Variants in RAB38 observed in about 807,000 individuals in gnomAD.
RAB38 encodes RAB38, member RAS oncogene family, also known as ras-related protein Rab-38.
RAB38 carries 15 observed loss-of-function variants against 18.4 expected under a neutral mutation model. The observed-to-expected ratio is 0.82, with a 90% CI of 0.55 to 1.26. The LOEUF is 1.26. Ranked by LOEUF, RAB38 falls within the 50% of genes most tolerant of loss-of-function variation. The pLI, the probability that RAB38 is intolerant of heterozygous loss-of-function variation, is 0.00. For missense variants in RAB38, 294 were observed against 267.4 expected, an observed-to-expected ratio of 1.10 and a Z score of -0.69; for synonymous variants, 101 against 104.4, an observed-to-expected ratio of 0.97 and a Z score of 0.20.
chr11:87,903,656 G>C, the RAB38 span, among the ~76,000 whole-genome samples: 17 of 150,426 alleles, frequency 1.1e-4, no homozygotes, highest in African/African-American at 4.1e-4. Flanking sequence ...TTAATTGTTT[G>C]TTAGCATTCT....
the RAB38 span, among the ~76,000 whole-genome samples, chr11:88,084,550 G>A: frequency 5.9e-5 from 9 of 151,840 alleles, no homozygotes; most frequent in Non-Finnish European, 8.8e-5. Context: ...TCACTTTGTC[G>A]AAAAGATCTC....
chr11:87,898,510 C>T, the RAB38 span, among the ~76,000 whole-genome samples: 2 of 151,692 alleles, frequency 1.3e-5, no homozygotes, highest in Admixed American at 1.3e-4. Context: ...GTGGATTCCA[C>T]AACAGCAGGA....
chr11:87,970,536 G>A, the RAB38 span, among the ~76,000 whole-genome samples: 45 of 152,066 alleles, frequency 3.0e-4, no homozygotes, highest in Non-Finnish European at 5.4e-4. Context: ...CCCTAGGCAT[G>A]GGGTGCACAT....
the RAB38 span, among the ~76,000 whole-genome samples, chr11:87,943,299 ATTG>A: frequency 2.0e-5 from 3 of 152,070 alleles, no homozygotes; most frequent in African/African-American, 7.2e-5. Context: ...AATTATTTTT[ATTG>A]TTATTATAAC....
At chr11:87,831,999 CTG>C in the RAB38 span, among the ~76,000 whole-genome samples, 2 of 152,148 alleles carry the variant, frequency 1.3e-5, no homozygotes, top group Admixed American at 1.3e-4. Flanking sequence ...ATTAAATATG[CTG>C]TGTTAATGTT....
chr11:87,970,469 T>G, the RAB38 span, among the ~76,000 whole-genome samples: 182 of 152,196 alleles, frequency 1.2e-3, no homozygotes, highest in Non-Finnish European at 1.6e-3. Context: ...TCTGGGTTTA[T>G]TTGTTCTCTC....
At chr11:87,830,164 G>T in the RAB38 span, among the ~76,000 whole-genome samples, 11 of 152,164 alleles carry the variant, frequency 7.2e-5, no homozygotes, top group East Asian at 1.2e-3. Context: ...ATTGTGGAAG[G>T]TGCAGGATGG....
intron 2 of RAB38, among the ~76,000 whole-genome samples, chr11:88,121,957 A>G (rs1357412890): frequency 6.6e-6 from 1 of 152,200 alleles, no homozygotes; most frequent in Non-Finnish European, 1.5e-5. Context: ...TTCTTTCTAA[A>G]TCGCAAAAGT....
chr11:88,030,468 TGATA>T, the RAB38 span, among the ~76,000 whole-genome samples: 41 of 151,846 alleles, frequency 2.7e-4, no homozygotes, highest in Non-Finnish European at 5.2e-4. Context: ...TCAACAAAAT[TGATA>T]GACTGCTAGC....
At chr11:88,099,323 C>A in the RAB38 span, among the ~76,000 whole-genome samples, 8 of 150,760 alleles carry the variant, frequency 5.3e-5, no homozygotes, top group African/African-American at 2.0e-4. Flanking sequence ...CTTTTATGCC[C>A]TAGAGCTCAA....
chr11:88,138,883 C>T (rs868227755), intron 2 of RAB38, among the ~76,000 whole-genome samples: 3 of 151,686 alleles, frequency 2.0e-5, no homozygotes, highest in African/African-American at 4.9e-5. Context: ...CCTGGGTTAA[C>T]GCCATTCTCC....
At chr11:87,846,185 C>T in the RAB38 span, among the ~76,000 whole-genome samples, 1 of 151,850 alleles carries the variant, frequency 6.6e-6, no homozygotes, top group Non-Finnish European at 1.5e-5. Context: ...GGAGGATATG[C>T]AAACAAAAAC....
the RAB38 span, among the ~76,000 whole-genome samples, chr11:88,091,713 C>A: frequency 6.6e-6 from 1 of 151,968 alleles, no homozygotes; most frequent in Non-Finnish European, 1.5e-5. Flanking sequence ...GACAGGCAAG[C>A]CCCAGCATTG....
chr11:87,868,490 G>A, the RAB38 span, among the ~76,000 whole-genome samples: 1 of 146,702 alleles, frequency 6.8e-6, no homozygotes, highest in Admixed American at 7.0e-5. Flanking sequence ...CAACACAAAT[G>A]GACTAAGACA....
At chr11:87,959,527 A>G in the RAB38 span, among the ~76,000 whole-genome samples, 2 of 152,220 alleles carry the variant, frequency 1.3e-5, no homozygotes, top group African/African-American at 2.4e-5. Context: ...ATGTGTTTCT[A>G]TAAGTATCTA....
At chr11:88,027,594 C>T in the RAB38 span, among the ~76,000 whole-genome samples, 6 of 152,212 alleles carry the variant, frequency 3.9e-5, no homozygotes, top group African/African-American at 1.4e-4. Context: ...TGGGAGGGTC[C>T]TACGCCCATG....
At chr11:88,109,729 AAAG>A (rs1265096277), downstream of RAB38, among the ~76,000 whole-genome samples, 2 of 152,244 alleles carry the variant, frequency 1.3e-5, no homozygotes, top group African/African-American at 4.8e-5. Context: ...ACACTTCTCA[AAAG>A]AAGACATTTA....
chr11:88,134,586 A>T (rs1486704181), intron 2 of RAB38, among the ~76,000 whole-genome samples: 2 of 152,178 alleles, frequency 1.3e-5, no homozygotes, highest in African/African-American at 4.8e-5. Flanking sequence ...AACTGTTGAG[A>T]CATCCTTAAA....
chr11:88,019,083 T>C, the RAB38 span, among the ~76,000 whole-genome samples: 4 of 151,702 alleles, frequency 2.6e-5, no homozygotes. Flanking sequence ...CTGCAATTCA[T>C]ATTTTTTTTC....
Sources: allele counts gnomAD v4.1 joint callset (sites outside exome capture counted in the v4.1 genomes callset), GRCh38; gene constraint gnomAD v4.1.1; transcripts MANE v1.5; gene names NCBI Gene and HGNC (gene_info 2026-07-23, HGNC 2026-07-21).